ANKRD31: variants seen among roughly 807,000 people sequenced by gnomAD.
ANKRD31 encodes ankyrin repeat domain-containing protein 31.
A neutral mutation model predicts 186.0 loss-of-function variants in ANKRD31; 147 were observed. The ratio of observed to expected loss-of-function variants is 0.79; its 90% CI spans 0.69 to 0.91. ANKRD31 has a LOEUF of 0.91. Among genes scored for constraint, ANKRD31 ranks in the 40% least tolerant of loss-of-function variants. The pLI is 0.00. For synonymous variants in ANKRD31, 673 were observed against 736.4 expected, an observed-to-expected ratio of 0.91 and a Z score of 1.39; for missense variants, 1,986 against 2,148.8, an observed-to-expected ratio of 0.92 and a Z score of 1.50.
At chr5:75,069,087 C>T (rs1242500901) in intron 25 of ANKRD31, among the ~76,000 whole-genome samples, 3 of 152,186 alleles carry the variant, frequency 2.0e-5, no homozygotes, top group African/African-American at 7.2e-5. Context: ...TATTAGGCTG[C>T]ATGATTTCTA....
chr5:75,185,306 T>C (rs894008655), intron 10 of ANKRD31, among the ~76,000 whole-genome samples: 5 of 152,124 alleles, frequency 3.3e-5, no homozygotes, highest in African/African-American at 1.2e-4. Context: ...ACACCTGTAA[T>C]CCCAGAACTT....
intron 17 of ANKRD31, among the ~76,000 whole-genome samples, chr5:75,132,308 T>C (rs1242175491): frequency 6.6e-6 from 1 of 152,052 alleles, no homozygotes; most frequent in Non-Finnish European, 1.5e-5. Flanking sequence ...ATAAACAGCA[T>C]AGAGAAGACC....
chr5:75,162,219 G>A (rs931806420), intron 11 of ANKRD31, among the ~76,000 whole-genome samples: 3 of 152,190 alleles, frequency 2.0e-5, no homozygotes, highest in Non-Finnish European at 4.4e-5. Flanking sequence ...AGCCACAAAG[G>A]CAGAGCTGCC....
At chr5:75,226,104 G>A (rs1263165743) in intron 2 of ANKRD31, among the ~76,000 whole-genome samples, 2 of 152,204 alleles carry the variant, frequency 1.3e-5, no homozygotes, top group Non-Finnish European at 2.9e-5. Context: ...CGGTGGGAAG[G>A]ACTGTGTCTC....
chr5:75,161,106 T>C (rs529121303), intron 11 of ANKRD31, among the ~76,000 whole-genome samples: 86 of 152,260 alleles, frequency 5.6e-4, no homozygotes, highest in African/African-American at 1.8e-3. Context: ...ACTTTGGAAC[T>C]GGCTAACAGG....
At chr5:75,133,806 A>G (rs12852463) in intron 17 of ANKRD31, among the ~76,000 whole-genome samples, 1 of 152,236 alleles carries the variant, frequency 6.6e-6, no homozygotes, top group Admixed American at 6.5e-5. Flanking sequence ...GGAAATTATA[A>G]CAAACTGTCT....
intron 17 of ANKRD31, among the ~76,000 whole-genome samples, chr5:75,132,865 C>T (rs982609157): frequency 9.2e-5 from 14 of 152,128 alleles, no homozygotes; most frequent in Non-Finnish European, 1.9e-4. Flanking sequence ...CAATATTCAA[C>T]ATTCTTAAAA....
At chr5:75,231,295 T>C (rs1027904320) in intron 1 of ANKRD31, among the ~76,000 whole-genome samples, 5 of 151,856 alleles carry the variant, frequency 3.3e-5, no homozygotes, top group South Asian at 2.1e-4. Flanking sequence ...CCCAGGCTGG[T>C]CTTGAACTCC....
At chr5:75,166,218 C>T (rs988690549) in intron 11 of ANKRD31, among the ~76,000 whole-genome samples, 25 of 152,254 alleles carry the variant, frequency 1.6e-4, no homozygotes, top group Admixed American at 4.6e-4. Context: ...GCCTGTAATC[C>T]CAGCACTTTG....
intron 25 of ANKRD31, among the ~76,000 whole-genome samples, chr5:75,076,915 A>T (rs1254745255): frequency 6.6e-6 from 1 of 152,218 alleles, no homozygotes; most frequent in African/African-American, 2.4e-5. Context: ...AAACAAAATG[A>T]TTAACAATTA....
At chr5:75,205,521 AC>A (rs75083164) in intron 5 of ANKRD31, among the ~76,000 whole-genome samples, 23,623 of 152,108 alleles carry the variant, frequency 0.16, 2,075 homozygotes, top group African/African-American at 0.23. Flanking sequence ...TAGCATTCAC[AC>A]CCTTAGCACC....
chr5:75,073,478 A>G (rs1050070073), intron 25 of ANKRD31, among the ~76,000 whole-genome samples: 16 of 152,188 alleles, frequency 1.1e-4, no homozygotes, highest in African/African-American at 3.9e-4. Flanking sequence ...AGAGGCAGCA[A>G]CATGCCCATC....
intron 5 of ANKRD31, among the ~76,000 whole-genome samples, 178 bp downstream of exon 5, chr5:75,206,216 CAAAAAAAAAAAAAAAAA>C (rs1191388849): frequency 0.056 from 819 of 14,594 alleles, 15 homozygotes; most frequent in East Asian, 0.11. Flanking sequence ...ACATCTCTAC[CAAAAAAAAAAAAAAAAA>C]AAAAAAAAAA....
intron 15 of ANKRD31, among the ~76,000 whole-genome samples, chr5:75,143,002 C>T (rs1228548994): frequency 1.3e-5 from 2 of 152,124 alleles, no homozygotes; most frequent in Non-Finnish European, 1.5e-5. Context: ...AGTTTGGAAA[C>T]CAGAAATCAA....
chr5:75,183,047 A>C (rs1754442413), intron 10 of ANKRD31, among the ~76,000 whole-genome samples: 4 of 152,378 alleles, frequency 2.6e-5, no homozygotes, highest in African/African-American at 7.2e-5. Context: ...GTACATTAAA[A>C]AGATTATTCA....
intron 11 of ANKRD31, among the ~76,000 whole-genome samples, chr5:75,156,831 C>A (rs1752213148): frequency 6.6e-6 from 1 of 152,200 alleles, no homozygotes; most frequent in African/African-American, 2.4e-5. Context: ...TCAAGCCCCA[C>A]TGATATCTTG....
intron 4 of ANKRD31, among the ~76,000 whole-genome samples, chr5:75,206,978 T>A (rs562384106): frequency 4.5e-4 from 68 of 152,294 alleles, no homozygotes; most frequent in African/African-American, 1.5e-3. Context: ...GGGAGGAAGT[T>A]AAAAGCAAAA....
intron 10 of ANKRD31, among the ~76,000 whole-genome samples, chr5:75,185,830 ATATAAT>A (rs1754675189): frequency 1.3e-5 from 2 of 151,684 alleles, no homozygotes; most frequent in African/African-American, 2.4e-5. Flanking sequence ...TATATTATAC[ATATAAT>A]TATAGTTATT....
Position 75,193,444 on chromosome 5 carries a change from TG to T in ANKRD31, c.1164del (p.Arg389AspfsTer2). ...QETACVLRRS[S>X]RLEKLKVSRD... The stretch of plus-strand genomic sequence containing the variant: ...CTGCTTACTTTCAGTTTTTCTAGTC[TG>T]GATGATCTCCTCAACACACACGCAG... On this transcript the variant is annotated frameshift_variant, in exon 8 of 26. Coordinates refer to ENST00000506364, the MANE Select transcript of ANKRD31 (RefSeq NM_001372053.1). LOFTEE classifies it high-confidence loss of function. 1 of 1,537,408 alleles carries T rather than the reference TG, an allele frequency of 6.5e-7. No homozygotes were observed. The highest frequency in any genetic ancestry group is 1.2e-5 in the South Asian group (1 of 84,064).
Sources: gnomAD v4.1 joint callset for allele counts (sites outside exome capture counted in the v4.1 genomes callset) on GRCh38, gnomAD v4.1.1 for gene constraint, MANE v1.5 for transcripts, NCBI Gene and HGNC (gene_info 2026-07-23, HGNC 2026-07-21) for gene names.